The following LYST variants were observed in gnomAD, a reference collection of about 807,000 sequenced individuals.
The protein encoded by LYST is lysosomal-trafficking regulator.
LYST carries 192 observed loss-of-function variants against 413.6 expected under a neutral mutation model. The ratio of observed to expected loss-of-function variants is 0.46; its 90% confidence interval spans 0.41 to 0.52. The LOEUF (loss-of-function observed/expected upper bound fraction) is 0.52, where lower values mean the gene tolerates loss of function less well. LYST is among the 20% of genes least tolerant of loss of function. The probability of loss-of-function intolerance (pLI) is 0.00; values close to 1 mark genes in which losing one functional copy is unlikely to be tolerated. For synonymous variants in LYST, 1,525 were observed against 1,567.3 expected (o/e 0.97, Z 0.64); for missense variants, 3,815 against 4,499.9 (o/e 0.85, Z 4.35).
rs191488271 is a variant in LYST, at chr1:235,683,191, C to A, written c.10800+3758G>T. ...GAAATAACTGCAAAGGCTAATATTACTAGACAATTCACTGATGGGTCAGAA... is the reference window on the plus strand; with the variant it reads ...GAAATAACTGCAAAGGCTAATATTAATAGACAATTCACTGATGGGTCAGAA... On this transcript the variant is annotated intron_variant, in intron 48 of 52. Coordinates refer to ENST00000389793, the MANE Select transcript of LYST (RefSeq NM_000081.4). 2.0e-5 allele frequency among the ~76,000 whole-genome samples: 3 copies of A among 152,348 alleles called. No homozygotes were observed. In the East Asian group the frequency reaches 5.8e-4, roughly 29 times the overall value.
intron 39 of LYST, among the ~76,000 whole-genome samples, chr1:235,722,255 AG>A (rs1173276116): frequency 6.6e-6 from 1 of 152,208 alleles, no homozygotes; most frequent in Non-Finnish European, 1.5e-5. Context: ...GGTTATTGGA[AG>A]GACTTTGCCT....
chr1:235,826,921 A>G (rs531411588), intron 3 of LYST, among the ~76,000 whole-genome samples: 1 of 152,064 alleles, frequency 6.6e-6, no homozygotes, highest in South Asian at 2.1e-4. Context: ...GGCCTCAAGT[A>G]ATCCATCTAC....
At chr1:235,876,571 T>C (rs748130949) in intron 1 of LYST, among the ~76,000 whole-genome samples, 20 of 152,234 alleles carry the variant, frequency 1.3e-4, no homozygotes, top group Non-Finnish European at 2.1e-4. Context: ...TGCTAGAGCT[T>C]ATTATTATAC....
rs1173086494 is a variant in LYST, at chr1:235,804,112, G to A, written c.3555+392C>T. Among the ~76,000 whole-genome samples the A allele has an allele frequency of 1.1e-4, 16 of 152,040 alleles. 1 individual carries two copies. The highest frequency in any genetic ancestry group is 1.0e-3 in the Admixed American group (16 of 15,246). ...AAATTAATGTGAGTAGAGAGTTCTG[G>A]AAATATTAGCTATACCACCAAAGAA... On this transcript the variant is annotated intron_variant, in intron 7 of 52. Transcript: ENST00000389793.
At chr1:235,682,860 T>C (rs1414233921) in intron 48 of LYST, among the ~76,000 whole-genome samples, 1 of 152,212 alleles carries the variant, frequency 6.6e-6, no homozygotes, top group Non-Finnish European at 1.5e-5. Context: ...CTATCTCCAA[T>C]TCACTGAGTA....
chr1:235,712,812 T>G (rs1662510398), intron 42 of LYST: 1 of 984,890 alleles, frequency 1.0e-6, no homozygotes, highest in Non-Finnish European at 1.2e-6. Context: ...TTTCGTTCAT[T>G]TTTTTTCCAG....
intron 19 of LYST, among the ~76,000 whole-genome samples, chr1:235,772,677 T>G (rs1668827748): frequency 6.6e-6 from 1 of 152,184 alleles, no homozygotes; most frequent in African/African-American, 2.4e-5. Flanking sequence ...CCTTGCCCTA[T>G]ATACCATGGT....
At chr1:235,789,909 A>G (rs1251167862) in intron 12 of LYST, among the ~76,000 whole-genome samples, 1 of 152,164 alleles carries the variant, frequency 6.6e-6, no homozygotes, top group East Asian at 1.9e-4. Context: ...GCTCACAACC[A>G]TCTTATAAGG....
At chr1:235,730,806 T>C (rs1344974941) in intron 36 of LYST, 41 bp downstream of exon 36, 5 of 1,126,098 alleles carry the variant, frequency 4.4e-6, no homozygotes, top group Admixed American at 1.7e-5. Flanking sequence ...TAAGCTGTTG[T>C]ATATTCATGA....
At chr1:235,848,085 A>G (rs1477530373) in intron 1 of LYST, among the ~76,000 whole-genome samples, 1 of 152,220 alleles carries the variant, frequency 6.6e-6, no homozygotes, top group Non-Finnish European at 1.5e-5. Flanking sequence ...TATACATTCT[A>G]TTCAACAGCA....
chr1:235,815,938 C>A (rs564878287), intron 3 of LYST, among the ~76,000 whole-genome samples: 1 of 151,398 alleles, frequency 6.6e-6, no homozygotes, highest in African/African-American at 2.4e-5. Flanking sequence ...CGAGACCATC[C>A]CGGCCAACTG....
chr1:235,693,253 T>C, intron 47 of LYST, 97 bp downstream of exon 47: 1 of 900,456 alleles, frequency 1.1e-6, no homozygotes, highest in East Asian at 2.6e-5. Context: ...GAGGTGGAGC[T>C]TGCAGTGAGC....
In LYST at chr1:235,757,412, G is replaced by A. The variant is rs1433745470; in HGVS notation, c.6928C>T (p.Leu2310Phe). The change falls in exon 24 of 53, where the codon CTC becomes TTC. Residue 2310 changes from leucine to phenylalanine, a missense_variant. By Grantham distance (22) the Leu-to-Phe change is conservative. Coordinates refer to ENST00000389793, the MANE Select transcript of LYST (RefSeq NM_000081.4). The part of the protein sequence containing the change: ...LVPICCGLYE[L>F]LSGVLLILPD... ...AGGATAAGAAGAACCCCACTTAGGAGTTCATATAATCCACAGCATATAGGT... is the reference window on the plus strand; with the variant it reads ...AGGATAAGAAGAACCCCACTTAGGAATTCATATAATCCACAGCATATAGGT... The A allele has an allele frequency of 5.0e-6, 8 of 1,613,548 alleles. No homozygotes were observed. Among genetic ancestry groups the A allele is most frequent in the East Asian group, 2.2e-5 (1 of 44,806 alleles).
At chr1:235,761,752 T>C (rs1199077698) in intron 22 of LYST, among the ~76,000 whole-genome samples, 1 of 151,018 alleles carries the variant, frequency 6.6e-6, no homozygotes, top group African/African-American at 2.5e-5. Flanking sequence ...AAGGGGAACT[T>C]TGGAGTGTGA....
Position 235,809,721 on chromosome 1 carries a change from C to A in LYST, c.1097G>T (p.Cys366Phe), listed in dbSNP as rs760231608. 6.2e-7 allele frequency: 1 copy of A among 1,613,648 alleles called. No homozygotes were observed. ...LLRAALKIRI[C>F]LEKQPDPFAP... is the part of the protein sequence containing the mutation. ...AAAAGGGTCAGGCTGCTTTTCTAGG[C>A]ATATTCTAATTTTTAAAGCTGCTCT... Residue 366 changes from cysteine to phenylalanine, a missense_variant, in exon 5 of 53, where the codon TGC becomes TTC. Cys to Phe is a radical substitution (Grantham distance 205). Around this residue, in one of 4 missense-constraint regions of LYST, gnomAD observed 1,648 missense variants for 1,810.3 expected, o/e 0.91. Coordinates refer to ENST00000389793, the MANE Select transcript of LYST (RefSeq NM_000081.4). The surrounding 1 kb of genome is among the most constrained non-coding windows in gnomAD (Gnocchi z 4.0).
chr1:235,744,694 G>C (rs981135860), intron 29 of LYST, among the ~76,000 whole-genome samples: 1 of 152,024 alleles, frequency 6.6e-6, no homozygotes, highest in African/African-American at 2.4e-5. Flanking sequence ...GAGTCAAGGA[G>C]TTTGAGATCA....
chr1:235,839,992 A>G (rs1324762136), intron 1 of LYST: 1 of 152,112 alleles, frequency 6.6e-6, no homozygotes. Flanking sequence ...TATCTCTGGC[A>G]TCTTACCTAC....
chr1:235,861,898 T>C (rs892010885), intron 1 of LYST, among the ~76,000 whole-genome samples: 1 of 152,226 alleles, frequency 6.6e-6, no homozygotes, highest in Non-Finnish European at 1.5e-5. Context: ...TGATGGCCCA[T>C]TTATTTCAAG....
intron 28 of LYST, among the ~76,000 whole-genome samples, chr1:235,746,957 T>G (rs746252504): frequency 1.3e-5 from 2 of 152,234 alleles, no homozygotes; most frequent in Non-Finnish European, 2.9e-5. Context: ...TTGAATTTCA[T>G]AAAGTAGTTT....
Sources: gnomAD v4.1 joint callset for allele counts (sites outside exome capture counted in the v4.1 genomes callset) on GRCh38, gnomAD v4.1.1 for gene constraint, gnomAD v4.1.1 regional missense constraint, Gnocchi (gnomAD v3.1) non-coding constraint, MANE v1.5 for transcripts, NCBI Gene and HGNC (gene_info 2026-07-23, HGNC 2026-07-21) for gene names.